Variants in TANC2 observed in about 807,000 individuals in gnomAD.
The protein encoded by TANC2 is tetratricopeptide repeat, ankyrin repeat and coiled-coil containing 2.
Under a neutral mutation model 210.5 loss-of-function variants are expected in TANC2, and 26 were observed. That is an observed-to-expected ratio of 0.12 (90% CI 0.09 to 0.17). The LOEUF (loss-of-function observed/expected upper bound fraction) is 0.17, where lower values mean the gene tolerates loss of function less well. Ranked by LOEUF, TANC2 falls within the 10% of genes least tolerant of loss-of-function variation. The pLI, the probability that TANC2 is intolerant of heterozygous loss-of-function variation, is 1.00. For missense variants in TANC2, 2,129 were observed against 2,608.9 expected, an observed-to-expected ratio of 0.82 and a Z score of 4.01; for synonymous variants, 931 against 967.1, an observed-to-expected ratio of 0.96 and a Z score of 0.69.
At chr17:63,058,017 T>C (rs1164532445) in intron 2 of TANC2, among the ~76,000 whole-genome samples, 1 of 152,214 alleles carries the variant, frequency 6.6e-6, no homozygotes, top group Non-Finnish European at 1.5e-5. Context: ...CACACTGCTT[T>C]CCACAATAAG....
At chr17:63,207,221 T>C (rs1343798403) in intron 7 of TANC2, among the ~76,000 whole-genome samples, 3 of 141,814 alleles carry the variant, frequency 2.1e-5, no homozygotes, top group Non-Finnish European at 3.1e-5. Flanking sequence ...CTTTTTTTTT[T>C]TTTTTTTTTT....
chr17:63,199,404 C>G (rs1308216382), intron 6 of TANC2, among the ~76,000 whole-genome samples: 2 of 152,028 alleles, frequency 1.3e-5, no homozygotes, highest in Non-Finnish European at 2.9e-5. Flanking sequence ...GGGAAGTACA[C>G]ATTCAGGAGT....
chr17:63,314,784 G>A (rs1047271139), intron 10 of TANC2, 115 bp downstream of exon 10: 37 of 1,274,568 alleles, frequency 2.9e-5, no homozygotes, highest in Admixed American at 1.5e-4. Flanking sequence ...TGACTTCCAC[G>A]TGAGGACTAT....
At chr17:63,051,176 T>A (rs968099887) in intron 2 of TANC2, among the ~76,000 whole-genome samples, 1 of 152,234 alleles carries the variant, frequency 6.6e-6, no homozygotes, top group Non-Finnish European at 1.5e-5. Flanking sequence ...TATTTATGCC[T>A]TTTGTGATTA....
chr17:63,283,507 G>A (rs896595976), intron 9 of TANC2, among the ~76,000 whole-genome samples: 2 of 151,582 alleles, frequency 1.3e-5, no homozygotes, highest in South Asian at 2.1e-4. Context: ...TATGGAGATT[G>A]CATTGGATGG....
At chr17:63,151,203 CCTTTCTCTTT>C (rs941137196) in intron 4 of TANC2, 57 bp from the exon 5 acceptor site, 3 of 749,752 alleles carry the variant, frequency 4.0e-6, no homozygotes, top group Non-Finnish European at 4.9e-6. Context: ...TCTCTCCCTT[CCTTTCTCTTT>C]CTTTCTCTCT....
chr17:63,406,104 T>C, intron 20 of TANC2, 50 bp from the exon 21 acceptor site: 1 of 1,608,846 alleles, frequency 6.2e-7, no homozygotes, highest in Non-Finnish European at 8.5e-7. Flanking sequence ...ACGTGTCTTC[T>C]CAGCAGCTCT....
intron 8 of TANC2, among the ~76,000 whole-genome samples, chr17:63,239,747 G>A (rs1269419378): frequency 1.3e-5 from 2 of 152,108 alleles, no homozygotes; most frequent in Non-Finnish European, 2.9e-5. Flanking sequence ...AGAAATACCT[G>A]AAACTAAGTA....
intron 4 of TANC2, among the ~76,000 whole-genome samples, chr17:63,105,073 T>C (rs916129783): frequency 7.2e-5 from 11 of 151,762 alleles, no homozygotes; most frequent in African/African-American, 2.4e-4. Flanking sequence ...TTATCAGCTA[T>C]GTCAAATATG....
chr17:63,091,072 G>A (rs918576883), intron 3 of TANC2, among the ~76,000 whole-genome samples: 1 of 133,830 alleles, frequency 7.5e-6, no homozygotes. Flanking sequence ...TTTTTTTTTT[G>A]TAAATTTGTT....
chr17:63,384,441 G>C (rs34713872), intron 15 of TANC2, among the ~76,000 whole-genome samples: 2,747 of 152,124 alleles, frequency 0.018, 47 homozygotes, highest in Non-Finnish European at 0.029. Context: ...ATAATCCTCA[G>C]AAGAGGGGCT....
At chr17:63,214,808 C>T (rs2041980453) in intron 7 of TANC2, among the ~76,000 whole-genome samples, 1 of 152,200 alleles carries the variant, frequency 6.6e-6, no homozygotes, top group African/African-American at 2.4e-5. Flanking sequence ...AAACCCAGTA[C>T]AGTCCAACCC....
At chr17:63,314,569 A>T in exon 10 of TANC2, 2 of 1,613,952 alleles carry the variant, frequency 1.2e-6, no homozygotes, top group Non-Finnish European at 1.7e-6. Context: ...GAAACATTGG[A>T]TTCGGCAAAA....
At chr17:63,301,457 C>A (rs1185782662) in intron 9 of TANC2, among the ~76,000 whole-genome samples, 1 of 152,146 alleles carries the variant, frequency 6.6e-6, no homozygotes, top group Admixed American at 6.5e-5. Flanking sequence ...AATTTCAGAA[C>A]TTGTTACTGG....
intron 6 of TANC2, among the ~76,000 whole-genome samples, chr17:63,195,144 T>A (rs1260297975): frequency 1.3e-5 from 2 of 152,212 alleles, no homozygotes; most frequent in African/African-American, 4.8e-5. Context: ...GCCTCACTCC[T>A]TAGGTTATTG....
intron 1 of TANC2, among the ~76,000 whole-genome samples, chr17:62,996,916 T>TGAA (rs1159926594): frequency 6.8e-6 from 1 of 146,942 alleles, no homozygotes; most frequent in African/African-American, 2.6e-5. Flanking sequence ...CAGGTTCAAG[T>TGAA]GATTCTCTTG....
intron 14 of TANC2, among the ~76,000 whole-genome samples, chr17:63,356,668 G>A (rs891777787): frequency 2.0e-5 from 3 of 152,274 alleles, no homozygotes; most frequent in Middle Eastern, 3.4e-3. Context: ...TGCTGTAGTG[G>A]AAAGAACATA....
At chr17:63,384,022 C>G (rs2047697050) in intron 15 of TANC2, among the ~76,000 whole-genome samples, 1 of 152,132 alleles carries the variant, frequency 6.6e-6, no homozygotes, top group Admixed American at 6.6e-5. Flanking sequence ...AGTTCAAACC[C>G]TGTCTCTCTT....
Position 62,966,461 on chromosome 17 carries a change from C to G in TANC2, c.-312C>G, listed in dbSNP as rs1027328140. The stretch of plus-strand genomic sequence containing the variant: ...TCCCATCCCCCTCGCGCTCACCTCC[C>G]GGCTGTGCCGCGCGCTAGGCGGAGC... On this transcript the variant is annotated 5_prime_UTR_variant, in exon 1 of 28. Coordinates refer to ENST00000689528, the Ensembl canonical transcript of TANC2. The surrounding 1 kb of genome is among the most constrained non-coding windows in gnomAD (Gnocchi z 5.1). Among the ~76,000 whole-genome samples the G allele has an allele frequency of 6.7e-6, 1 of 148,398 alleles. No homozygotes were observed. Among genetic ancestry groups the G allele is most frequent in the Non-Finnish European group, 1.5e-5 (1 of 66,486 alleles).
Sources: allele counts gnomAD v4.1 joint callset (sites outside exome capture counted in the v4.1 genomes callset), GRCh38; gene constraint gnomAD v4.1.1; non-coding constraint Gnocchi (gnomAD v3.1); transcripts MANE v1.5; gene names NCBI Gene and HGNC (gene_info 2026-07-23, HGNC 2026-07-21).